ACVR2B: variants seen among roughly 807,000 people sequenced by gnomAD.
ACVR2B encodes activin A receptor type 2B.
Under a neutral mutation model 65.1 loss-of-function variants are expected in ACVR2B, and 18 were observed. That is an observed-to-expected ratio of 0.28 (90% confidence interval 0.19 to 0.41). ACVR2B has a LOEUF of 0.41. Among genes scored for constraint, ACVR2B ranks in the 10% least tolerant of loss-of-function variants. ACVR2B has a pLI of 1.00. For missense variants in ACVR2B, 482 were observed against 682.7 expected, an observed-to-expected ratio of 0.71 and a Z score of 3.28; for synonymous variants, 298 against 277.7, an observed-to-expected ratio of 1.07 and a Z score of -0.73.
chr3:38,464,813 T>G (rs1709703112), intron 1 of ACVR2B, among the ~76,000 whole-genome samples: 1 of 152,148 alleles, frequency 6.6e-6, no homozygotes. Context: ...TCCCAGCTAC[T>G]TAGGAGACTG....
Position 38,454,217 on chromosome 3 carries a change from AGGAGCG to A in ACVR2B, c.-102_-97del, listed in dbSNP as rs1709500998. On this transcript the variant is annotated 5_prime_UTR_variant, in exon 1 of 11. Coordinates refer to ENST00000352511, the MANE Select transcript of ACVR2B (RefSeq NM_001106.4). ...GCGCGCAGGGAACGAGACCGAAGGA[AGGAGCG>A]GGAAGGAGAGCGCAGCCGCCGCCTG... 1 of 803,556 alleles carries A rather than the reference AGGAGCG, an allele frequency of 1.2e-6. No individual in the cohort carries two copies. Among genetic ancestry groups the A allele is most frequent in the East Asian group, 5.5e-5 (1 of 18,300 alleles). 49.8% of individuals were successfully genotyped at this position (803,556 alleles called of 1,614,324 possible).
intron 1 of ACVR2B, chr3:38,474,231 C>G (rs1421881270): frequency 6.6e-6 from 1 of 152,466 alleles, no homozygotes; most frequent in Non-Finnish European, 1.5e-5. Context: ...AACTCCCAGC[C>G]TCTTCACTTG....
chr3:38,473,779 A>G (rs1444232401), intron 1 of ACVR2B: 2 of 152,284 alleles, frequency 1.3e-5, no homozygotes, highest in African/African-American at 2.4e-5. Context: ...AGTTCCTACA[A>G]CTACCCTAGC....
At chr3:38,456,097 C>G (rs1709546272) in intron 1 of ACVR2B, among the ~76,000 whole-genome samples, 1 of 152,240 alleles carries the variant, frequency 6.6e-6, no homozygotes, top group African/African-American at 2.4e-5. Context: ...TTTCTTTTTC[C>G]TCTGCTTCAG....
At chr3:38,476,922 C>T (rs1234465271) in intron 1 of ACVR2B, 2 of 371,988 alleles carry the variant, frequency 5.4e-6, no homozygotes, top group Non-Finnish European at 1.0e-5. Flanking sequence ...GGAAGTAGCC[C>T]CCACCCCCAC....
At chr3:38,460,860 A>G (rs73825575) in intron 1 of ACVR2B, among the ~76,000 whole-genome samples, 97 of 152,358 alleles carry the variant, frequency 6.4e-4, no homozygotes, top group African/African-American at 2.3e-3. Context: ...TCTGACAACC[A>G]AGGAGGCTAA....
At chr3:38,479,373 G>T (rs1709976621) in intron 6 of ACVR2B, 102 bp downstream of exon 6, 2 of 1,546,584 alleles carry the variant, frequency 1.3e-6, no homozygotes, top group Non-Finnish European at 1.8e-6. Flanking sequence ...TGTCCACCAT[G>T]AAGTACTCTG....
chr3:38,480,836 A>T (rs967984525), intron 7 of ACVR2B, among the ~76,000 whole-genome samples: 1 of 152,202 alleles, frequency 6.6e-6, no homozygotes, highest in African/African-American at 2.4e-5. Flanking sequence ...TGAGTACCAC[A>T]AGTAGCTTTG....
At chr3:38,476,704 T>A (rs1709915761) in intron 1 of ACVR2B, 1 of 160,884 alleles carries the variant, frequency 6.2e-6, no homozygotes, top group Admixed American at 5.7e-5. Context: ...AGGTGGTCCT[T>A]GAGATCTTTA....
rs749214138 is a variant in ACVR2B, at chr3:38,479,199, G to T, written c.738G>T (p.Gln246His). ...TPGMKHENLLQFIAAEKRGSN... is the reference protein window; with the variant it reads ...TPGMKHENLLHFIAAEKRGSN... ...GCATGAAGCACGAGAACCTGCTACA[G>T]TTCATTGCTGCCGAGAAGCGAGGCT... Residue 246 changes from glutamine to histidine, a missense_variant, in exon 6 of 11, where the codon CAG becomes CAT. This residue lies in a region of ACVR2B where 223 missense variants were observed against 386.3 expected (regional missense o/e 0.58). Transcript: ENST00000352511. 1 of 1,614,242 alleles carries T rather than the reference G, an allele frequency of 6.2e-7. No individual in the cohort carries two copies. Among genetic ancestry groups the T allele is most frequent in the Admixed American group, 1.7e-5 (1 of 60,032 alleles).
intron 1 of ACVR2B, among the ~76,000 whole-genome samples, chr3:38,467,762 A>G (rs974703764): frequency 6.6e-6 from 1 of 152,154 alleles, no homozygotes; most frequent in Admixed American, 6.5e-5. Flanking sequence ...CAAAAAAAAA[A>G]AAGGAGACAT....
At chr3:38,458,754 C>A (rs181102520) in intron 1 of ACVR2B, among the ~76,000 whole-genome samples, 22 of 152,244 alleles carry the variant, frequency 1.4e-4, no homozygotes, top group African/African-American at 5.1e-4. Flanking sequence ...AGGACTGGGT[C>A]TGGATAATAT....
At chr3:38,472,831 G>T (rs959015849) in intron 1 of ACVR2B, among the ~76,000 whole-genome samples, 1 of 152,138 alleles carries the variant, frequency 6.6e-6, no homozygotes, top group Admixed American at 6.5e-5. Flanking sequence ...TGGGACCTTG[G>T]TGAGGTTTCT....
chr3:38,456,225 A>T (rs747874067), intron 1 of ACVR2B, among the ~76,000 whole-genome samples: 1 of 152,184 alleles, frequency 6.6e-6, no homozygotes, highest in Non-Finnish European at 1.5e-5. Flanking sequence ...TATTTCTTGT[A>T]GTCACATCAA....
In ACVR2B at chr3:38,477,833, G is replaced by C. The variant is rs1559653078; in HGVS notation, c.261-28G>C. The stretch of plus-strand genomic sequence containing the variant: ...GGGAGTCTTGCATCCCCCAGGTGAG[G>C]GGTATATGGAAAATTCTGTGCCTCC... On this transcript the variant is annotated intron_variant, in intron 2 of 10. Coordinates refer to ENST00000352511, the MANE Select transcript of ACVR2B (RefSeq NM_001106.4). This position sits in a 1 kb window ranked among gnomAD's most constrained non-coding sequence, Gnocchi z 6.7. 1.2e-6 allele frequency: 2 copies of C among 1,608,996 alleles called. No homozygotes were observed.
rs900584921 is a variant in ACVR2B, at chr3:38,490,125, C to G, written c.*6793C>G. ...ATACGGAAAGTGGTCTTCATTTTAG[C>G]CTATTTATTTTTAGGCAGAGAGTGG... On this transcript the variant is annotated 3_prime_UTR_variant, in exon 11 of 11. Transcript: ENST00000352511. The G allele has an allele frequency of 6.6e-6, 1 of 152,234 alleles. No homozygotes were observed. 9.4% of individuals were successfully genotyped at this position (152,234 alleles called of 1,614,324 possible). A position where few individuals can be genotyped will look rare whatever the true frequency, so the allele number is the denominator to read the frequency against.
In ACVR2B at chr3:38,490,763, G is replaced by A. The variant is rs552368837; in HGVS notation, c.*7431G>A. The A allele has an allele frequency of 1.3e-5, 2 of 152,696 alleles. No homozygotes were observed. Among genetic ancestry groups the A allele is most frequent in the East Asian group, 1.9e-4 (1 of 5,182 alleles). 9.5% of individuals were successfully genotyped at this position (152,696 alleles called of 1,614,324 possible). On this transcript the variant is annotated 3_prime_UTR_variant, in exon 11 of 11. Coordinates refer to ENST00000352511, the MANE Select transcript of ACVR2B (RefSeq NM_001106.4). ...TGCAGACTTTTAACGTACACATGCA[G>A]GAACCCTGCTGAGCGTGGGCACTTG...
chr3:38,457,820 A>C (rs533507249), intron 1 of ACVR2B, among the ~76,000 whole-genome samples: 1 of 152,168 alleles, frequency 6.6e-6, no homozygotes, highest in South Asian at 2.1e-4. Context: ...GGGCGGAGGG[A>C]GTGAGCTCAT....
Position 38,481,366 on chromosome 3 carries a change from G to A in ACVR2B, c.975G>A (p.Lys325=), listed in dbSNP as rs771351285. The change falls in exon 8 of 11, where the codon AAG becomes AAA. Residue 325 remains lysine (K), a synonymous_variant. Coordinates refer to ENST00000352511, the MANE Select transcript of ACVR2B (RefSeq NM_001106.4). This position sits in a 1 kb window ranked among gnomAD's most constrained non-coding sequence, Gnocchi z 4.7. ...GTTTCCACAGGGACTTTAAAAGTAAGAATGTATTGCTGAAGAGCGACCTCA... is the reference window on the plus strand; with the variant it reads ...GTTTCCACAGGGACTTTAAAAGTAAAAATGTATTGCTGAAGAGCGACCTCA... ...PSIAHRDFKS[K]NVLLKSDLTA... 1.4e-5 allele frequency: 22 copies of A among 1,613,980 alleles called. No homozygotes were observed. The South Asian group carries it at 1.9e-4, about 14-fold the overall frequency.
Sources: gnomAD v4.1 joint callset for allele counts (sites outside exome capture counted in the v4.1 genomes callset) on GRCh38, gnomAD v4.1.1 for gene constraint, gnomAD v4.1.1 regional missense constraint, Gnocchi (gnomAD v3.1) non-coding constraint, MANE v1.5 for transcripts, NCBI Gene and HGNC (gene_info 2026-07-23, HGNC 2026-07-21) for gene names.